The following SLC35F2 variants were observed in gnomAD, a reference collection of about 807,000 sequenced individuals.
SLC35F2 encodes the protein solute carrier family 35 member F2.
Under a neutral mutation model 38.1 loss-of-function variants are expected in SLC35F2, and 25 were observed. The observed-to-expected ratio is 0.66, with a 90% CI of 0.48 to 0.92. The LOEUF is 0.92. Among genes scored for constraint, SLC35F2 ranks in the 40% least tolerant of loss-of-function variants. The pLI is 0.00. For synonymous variants in SLC35F2, 173 were observed against 181.7 expected (o/e 0.95, Z 0.38); for missense variants, 409 against 452.9 (o/e 0.90, Z 0.88).
chr11:107,851,514 G>A (rs565756357), intron 1 of SLC35F2, among the ~76,000 whole-genome samples: 3 of 136,518 alleles, frequency 2.2e-5, no homozygotes, highest in East Asian at 2.1e-4. Context: ...CTGAGGTTGA[G>A]AAACACACTA....
At chr11:107,796,817 C>T (rs1859224616) in intron 7 of SLC35F2, among the ~76,000 whole-genome samples, 1 of 152,084 alleles carries the variant, frequency 6.6e-6, no homozygotes, top group Non-Finnish European at 1.5e-5. Context: ...TACAGGTGTG[C>T]ACCAACATAC....
At chr11:107,805,061 T>C (rs78537250) in intron 5 of SLC35F2, 13,222 of 985,222 alleles carry the variant, frequency 0.013, 161 homozygotes, top group East Asian at 0.072. Context: ...AATGTGTTAA[T>C]ATTTTCTGGA....
At chr11:107,795,770 C>A (rs1859207785) in intron 7 of SLC35F2, among the ~76,000 whole-genome samples, 1 of 152,136 alleles carries the variant, frequency 6.6e-6, no homozygotes, top group African/African-American at 2.4e-5. Context: ...AATAAGATAT[C>A]ATCTTACCTC....
At chr11:107,834,522 T>A (rs574758889) in intron 1 of SLC35F2, among the ~76,000 whole-genome samples, 3 of 152,028 alleles carry the variant, frequency 2.0e-5, no homozygotes, top group Non-Finnish European at 4.4e-5. Flanking sequence ...TGGTGGCGCA[T>A]GTCTGTAAAC....
chr11:107,810,722 A>T, intron 3 of SLC35F2: 1 of 981,748 alleles, frequency 1.0e-6, no homozygotes, highest in Non-Finnish European at 1.2e-6. Flanking sequence ...ATGTTACAGA[A>T]AAGAAAGTAG....
At chr11:107,838,310 T>C (rs566302196) in intron 1 of SLC35F2, among the ~76,000 whole-genome samples, 3 of 152,250 alleles carry the variant, frequency 2.0e-5, no homozygotes, top group Admixed American at 1.3e-4. Flanking sequence ...TAAGTACTTA[T>C]ATATGATGTT....
chr11:107,810,922 C>G, intron 3 of SLC35F2: 1 of 977,390 alleles, frequency 1.0e-6, no homozygotes, highest in South Asian at 4.7e-5. Flanking sequence ...TTATAAACTT[C>G]AAATCCCACA....
intron 7 of SLC35F2, among the ~76,000 whole-genome samples, chr11:107,800,957 T>C (rs889370588): frequency 7.0e-6 from 1 of 142,744 alleles, no homozygotes; most frequent in Non-Finnish European, 1.5e-5. Flanking sequence ...CAGGCTAAAA[T>C]GCAATGGCAC....
chr11:107,832,325 GA>G (rs893144749), intron 1 of SLC35F2, among the ~76,000 whole-genome samples: 10 of 152,176 alleles, frequency 6.6e-5, no homozygotes, highest in Admixed American at 2.0e-4. Flanking sequence ...ACGAGAACAA[GA>G]AAAGGCCTGG....
rs1419867597 is a variant in SLC35F2 at position 107,803,005 on chromosome 11, T to A, written c.935A>T (p.Tyr312Phe). 6.2e-7 allele frequency: 1 copy of A among 1,608,576 alleles called. No homozygotes were observed. ...GAACGTGATCTATTTGTTTACCTTA[T>A]AGCCAAACAGAAAGAGTCCAACAAA... Reference protein sequence around the residue: ...SLFVGLFLFGYKFSGLYILSF... With the variant: ...SLFVGLFLFGFKFSGLYILSF... Residue 312 changes from tyrosine to phenylalanine, a missense_variant, in exon 7 of 8, where the codon TAT (tyrosine) becomes TTT (phenylalanine). Coordinates refer to ENST00000525815, the MANE Select transcript of SLC35F2 (RefSeq NM_017515.5).
intron 1 of SLC35F2, 48 bp downstream of exon 1, chr11:107,858,610 A>G: frequency 8.0e-7 from 1 of 1,247,860 alleles, no homozygotes; most frequent in Non-Finnish European, 1.0e-6. Flanking sequence ...CAGGGCCCGC[A>G]GCCGCCCCCA....
chr11:107,837,258 TACA>T (rs1859943544), intron 1 of SLC35F2, among the ~76,000 whole-genome samples: 1 of 152,216 alleles, frequency 6.6e-6, no homozygotes. Flanking sequence ...TGCATGTTCA[TACA>T]ACACTATATA....
chr11:107,842,231 G>A (rs1565440155), intron 1 of SLC35F2, among the ~76,000 whole-genome samples: 1 of 100,858 alleles, frequency 9.9e-6, no homozygotes. Context: ...ACTCCAGCCT[G>A]GGCGACAGAG....
At chr11:107,829,677 C>CAAA (rs59625402) in intron 1 of SLC35F2, among the ~76,000 whole-genome samples, 2 of 87,294 alleles carry the variant, frequency 2.3e-5, no homozygotes. Context: ...TGAAATCTCA[C>CAAA]AAAAAAAAAA....
At chr11:107,809,891 C>T (rs149013232) in intron 3 of SLC35F2, 4 of 985,268 alleles carry the variant, frequency 4.1e-6, no homozygotes, top group African/African-American at 1.7e-5. Context: ...CAGAGCAGCA[C>T]AGGGGAGAAG....
At chr11:107,806,634 A>G in intron 4 of SLC35F2, 83 bp downstream of exon 4, 2 of 1,319,898 alleles carry the variant, frequency 1.5e-6, no homozygotes, top group Non-Finnish European at 2.2e-6. Context: ...ATACTCCAGT[A>G]AACAAGTTTC....
chr11:107,795,542 T>A (rs1399822519), intron 7 of SLC35F2, among the ~76,000 whole-genome samples: 1 of 152,150 alleles, frequency 6.6e-6, no homozygotes, highest in African/African-American at 2.4e-5. Flanking sequence ...ACCTCCTGAA[T>A]GGGAGAAAAT....
chr11:107,839,334 G>A (rs1859981706), intron 1 of SLC35F2, among the ~76,000 whole-genome samples: 1 of 152,104 alleles, frequency 6.6e-6, no homozygotes, highest in African/African-American at 2.4e-5. Flanking sequence ...CATGGCACAT[G>A]CTTGTAATCC....
intron 7 of SLC35F2, among the ~76,000 whole-genome samples, chr11:107,797,452 C>T (rs1859237755): frequency 1.3e-5 from 2 of 151,928 alleles, no homozygotes; most frequent in African/African-American, 2.4e-5. Flanking sequence ...ACTCAGGAGG[C>T]TAAGGTGGGA....
Sources: gnomAD v4.1 joint callset for allele counts (sites outside exome capture counted in the v4.1 genomes callset) on GRCh38, gnomAD v4.1.1 for gene constraint, MANE v1.5 for transcripts, NCBI Gene and HGNC (gene_info 2026-07-23, HGNC 2026-07-21) for gene names.